Variants in CRIM1 observed in about 807,000 individuals in gnomAD.
CRIM1 encodes the protein cysteine-rich motor neuron 1 protein.
In CRIM1, 32 loss-of-function variants were observed where a neutral mutation model predicts 116.4. That is an observed-to-expected ratio of 0.27 (90% confidence interval 0.21 to 0.37). The LOEUF (loss-of-function observed/expected upper bound fraction) is 0.37, where lower values mean the gene tolerates loss of function less well. CRIM1 is among the 10% of genes least tolerant of loss of function. CRIM1 has a pLI of 1.00. For missense variants in CRIM1, 1,331 were observed against 1,354.8 expected (o/e 0.98, Z 0.28); for synonymous variants, 590 against 509.2 (o/e 1.16, Z -2.13).
chr2:36,413,809 C>G (rs1197943480), intron 2 of CRIM1, among the ~76,000 whole-genome samples: 2 of 152,158 alleles, frequency 1.3e-5, no homozygotes, highest in East Asian at 3.9e-4. Context: ...AGTTTCATTA[C>G]ATACACTTGT....
At chr2:36,385,079 T>G (rs1671077036) in intron 1 of CRIM1, among the ~76,000 whole-genome samples, 1 of 140,180 alleles carries the variant, frequency 7.1e-6, no homozygotes, top group Admixed American at 7.4e-5. Context: ...CAATCTTGCT[T>G]CACTGAAAAA....
At chr2:36,538,156 C>G (rs1666687860) in intron 14 of CRIM1, among the ~76,000 whole-genome samples, 1 of 152,172 alleles carries the variant, frequency 6.6e-6, no homozygotes, top group Non-Finnish European at 1.5e-5. Context: ...ACGCCCCACT[C>G]TTTGTGTCTG....
At chr2:36,506,204 C>G (rs1681406675) in intron 8 of CRIM1, among the ~76,000 whole-genome samples, 1 of 151,486 alleles carries the variant, frequency 6.6e-6, no homozygotes, top group African/African-American at 2.4e-5. Context: ...CACACACACA[C>G]ACACACACAC....
At chr2:36,480,786 C>T (rs1679355628) in intron 7 of CRIM1, among the ~76,000 whole-genome samples, 1 of 152,128 alleles carries the variant, frequency 6.6e-6, no homozygotes, top group African/African-American at 2.4e-5. Flanking sequence ...AGTGCAGCTG[C>T]CACACTCCAG....
At chr2:36,435,930 T>C (rs1270902021) in intron 2 of CRIM1, among the ~76,000 whole-genome samples, 3 of 151,892 alleles carry the variant, frequency 2.0e-5, no homozygotes, top group African/African-American at 7.2e-5. Context: ...GCAGGCTTTT[T>C]TTTTTTTTAA....
intron 2 of CRIM1, among the ~76,000 whole-genome samples, chr2:36,398,864 A>G (rs1672225405): frequency 6.6e-6 from 1 of 152,232 alleles, no homozygotes; most frequent in African/African-American, 2.4e-5. Flanking sequence ...TGATGAAATC[A>G]TACTTAATAA....
chr2:36,544,363 T>C lies in CRIM1; in HGVS notation c.2624-13T>C. On this transcript the variant is annotated splice_polypyrimidine_tract_variant and intron_variant, in intron 14 of 16. Transcript: ENST00000280527. ...CTTCATCATCTCTTAGGAAAAATGTTCCCTTCTTTTAGAAATGTATGTCCC... is the reference window on the plus strand; with the variant it reads ...CTTCATCATCTCTTAGGAAAAATGTCCCCTTCTTTTAGAAATGTATGTCCC... The C allele has an allele frequency of 1.5e-6, 2 of 1,338,880 alleles. No homozygotes were observed. The highest frequency in any genetic ancestry group is 2.8e-5 in the East Asian group (1 of 35,918). The allele number at this position is 1,338,880 out of a possible 1,614,324, so 82.9% of individuals were successfully genotyped here. A position where few individuals can be genotyped will look rare whatever the true frequency, so the allele number is the denominator to read the frequency against.
intron 2 of CRIM1, among the ~76,000 whole-genome samples, chr2:36,417,265 C>A (rs1011684197): frequency 3.3e-5 from 5 of 152,148 alleles, no homozygotes; most frequent in Non-Finnish European, 7.4e-5. Context: ...CCCACCATAC[C>A]TCTTCTGTTT....
At chr2:36,423,605 T>C (rs967036353) in intron 2 of CRIM1, among the ~76,000 whole-genome samples, 1 of 152,206 alleles carries the variant, frequency 6.6e-6, no homozygotes, top group Admixed American at 6.5e-5. Flanking sequence ...AAACTTGATA[T>C]GTTTTTGCAT....
chr2:36,403,839 G>T (rs1367545421), intron 2 of CRIM1, among the ~76,000 whole-genome samples: 1 of 152,086 alleles, frequency 6.6e-6, no homozygotes, highest in African/African-American at 2.4e-5. Flanking sequence ...TTATGTTTGA[G>T]GTATCTATGG....
At chr2:36,439,906 CTT>C (rs1558585774) in intron 2 of CRIM1, among the ~76,000 whole-genome samples, 1 of 152,198 alleles carries the variant, frequency 6.6e-6, no homozygotes, top group Non-Finnish European at 1.5e-5. Flanking sequence ...TGTCTTTCCT[CTT>C]TACTGACATA....
chr2:36,413,848 C>G (rs1301279733), intron 2 of CRIM1, among the ~76,000 whole-genome samples: 3 of 152,124 alleles, frequency 2.0e-5, no homozygotes, highest in African/African-American at 4.8e-5. Context: ...TGGGGGTGCT[C>G]TATTTCAGCC....
Position 36,478,834 on chromosome 2 carries a change from GA to G in CRIM1, c.1175-660del, listed in dbSNP as rs1679186743. 2.3e-5 allele frequency among the ~76,000 whole-genome samples: 3 copies of G among 127,966 alleles called. No homozygotes were observed. In the South Asian group the frequency reaches 7.5e-4, roughly 32 times the overall value. The allele number at this position is 127,966 out of a possible 152,430, so 84.0% of individuals were successfully genotyped here. A position where few individuals can be genotyped will look rare whatever the true frequency, so the allele number is the denominator to read the frequency against. On this transcript the variant is annotated intron_variant, in intron 6 of 16. Coordinates refer to ENST00000280527, the MANE Select transcript of CRIM1 (RefSeq NM_016441.3). ...ATTTATATACTTGTCAGTAACCTCA[GA>G]AACTTTTTTTTTTTTACAGTAGCTT... is the stretch of plus-strand genomic sequence containing the variant.
chr2:36,358,736 A>C (rs192022117), intron 1 of CRIM1, among the ~76,000 whole-genome samples: 41 of 152,068 alleles, frequency 2.7e-4, no homozygotes, highest in Non-Finnish European at 4.4e-4. Context: ...CCTGTTTTCA[A>C]CTATCAATAT....
chr2:36,529,453 T>C (rs970837494), intron 13 of CRIM1: 5 of 211,032 alleles, frequency 2.4e-5, no homozygotes, highest in African/African-American at 1.1e-4. Context: ...GCCACCTTGA[T>C]CTTTAGTTGT....
At chr2:36,364,023 A>G (rs548360791) in intron 1 of CRIM1, among the ~76,000 whole-genome samples, 20 of 152,330 alleles carry the variant, frequency 1.3e-4, no homozygotes, top group Non-Finnish European at 2.1e-4. Context: ...TGTGCTTTAC[A>G]GTAGTGACAT....
intron 4 of CRIM1, among the ~76,000 whole-genome samples, chr2:36,460,604 A>G (rs535286527): frequency 6.6e-6 from 1 of 152,324 alleles, no homozygotes; most frequent in Non-Finnish European, 1.5e-5. Flanking sequence ...AAGGTCATGC[A>G]AATAGCTCTG....
intron 1 of CRIM1, among the ~76,000 whole-genome samples, chr2:36,394,920 G>A (rs978559325): frequency 6.6e-6 from 1 of 151,514 alleles, no homozygotes; most frequent in African/African-American, 2.4e-5. Context: ...CAGTCAGGAA[G>A]AGCAGACTTT....
intron 6 of CRIM1, among the ~76,000 whole-genome samples, chr2:36,477,868 T>C (rs848545): frequency 0.4 from 60,096 of 152,088 alleles, 13,046 homozygotes; most frequent in East Asian, 0.59. Context: ...GTAAAGTCAC[T>C]TTACACTGCA....
Sources: allele counts gnomAD v4.1 joint callset (sites outside exome capture counted in the v4.1 genomes callset), GRCh38; gene constraint gnomAD v4.1.1; transcripts MANE v1.5; gene names NCBI Gene and HGNC (gene_info 2026-07-23, HGNC 2026-07-21).